Variants in PDE10A observed in about 807,000 individuals in gnomAD.
PDE10A encodes the protein cAMP and cAMP-inhibited cGMP 3',5'-cyclic phosphodiesterase 10A.
A neutral mutation model predicts 97.7 loss-of-function variants in PDE10A; 39 were observed. That is an observed-to-expected ratio of 0.40 (90% CI 0.31 to 0.52). The LOEUF (loss-of-function observed/expected upper bound fraction) is 0.52. Ranked by LOEUF, PDE10A falls within the 20% of genes least tolerant of loss-of-function variation. PDE10A has a pLI of 0.56. For missense variants in PDE10A, 731 were observed against 1,047.8 expected (o/e 0.70, Z 4.17); for synonymous variants, 371 against 376.8 (o/e 0.98, Z 0.18).
intron 1 of PDE10A, among the ~76,000 whole-genome samples, chr6:165,770,288 G>T (rs897440141): frequency 6.6e-6 from 1 of 151,380 alleles, no homozygotes; most frequent in African/African-American, 2.4e-5. Context: ...CTGCAACTTA[G>T]GAATTGTAGA....
chr6:165,806,673 AC>A (rs1289763162), intron 1 of PDE10A, among the ~76,000 whole-genome samples: 1 of 148,688 alleles, frequency 6.7e-6, no homozygotes, highest in African/African-American at 2.4e-5. Flanking sequence ...TCTTCTTTAG[AC>A]TTTGATGAGG....
chr6:165,537,691 C>T (rs975185410), intron 2 of PDE10A, among the ~76,000 whole-genome samples: 1 of 151,898 alleles, frequency 6.6e-6, no homozygotes, highest in African/African-American at 2.4e-5. Flanking sequence ...ACTTTATCTC[C>T]TTTCTAGTCA....
At chr6:165,366,870 A>G (rs1783805231) in intron 18 of PDE10A, among the ~76,000 whole-genome samples, 1 of 152,242 alleles carries the variant, frequency 6.6e-6, no homozygotes, top group Admixed American at 6.5e-5. Flanking sequence ...ACTGGCCACT[A>G]GGATAAAAGT....
At chr6:165,421,347 G>A (rs1355584867) in intron 10 of PDE10A, among the ~76,000 whole-genome samples, 1 of 152,156 alleles carries the variant, frequency 6.6e-6, no homozygotes, top group Non-Finnish European at 1.5e-5. Context: ...GGAGGCTGAG[G>A]TGGGAGGATT....
At chr6:165,871,024 C>G (rs2500465) in intron 1 of PDE10A, among the ~76,000 whole-genome samples, 120,467 of 152,242 alleles carry the variant, frequency 0.79, 48,135 homozygotes, top group East Asian at 0.96. Context: ...AAGAATTCTA[C>G]TGTTCGATGG....
intron 1 of PDE10A, among the ~76,000 whole-genome samples, chr6:165,824,148 T>C (rs956592657): frequency 2.6e-5 from 4 of 152,064 alleles, no homozygotes; most frequent in Admixed American, 6.5e-5. Context: ...TCATGAGACA[T>C]CATGCGGAGA....
intron 1 of PDE10A, among the ~76,000 whole-genome samples, chr6:165,700,526 A>T (rs1379849704): frequency 2.0e-5 from 3 of 152,242 alleles, no homozygotes; most frequent in Non-Finnish European, 4.4e-5. Context: ...GAGGCTTCTG[A>T]CAGTAGCACC....
chr6:165,756,547 A>G (rs1425123771), intron 1 of PDE10A, among the ~76,000 whole-genome samples: 1 of 152,086 alleles, frequency 6.6e-6, no homozygotes, highest in Admixed American at 6.5e-5. Context: ...TTAATATTGT[A>G]TCTTTGAGAT....
chr6:165,372,029 C>A (rs568574457), intron 18 of PDE10A, among the ~76,000 whole-genome samples: 3 of 150,152 alleles, frequency 2.0e-5, no homozygotes, highest in South Asian at 4.2e-4. Flanking sequence ...ATTCAACAAC[C>A]CTTCATGCTA....
chr6:165,911,208 C>T (rs1369752667), intron 1 of PDE10A, among the ~76,000 whole-genome samples: 1 of 152,142 alleles, frequency 6.6e-6, no homozygotes, highest in Non-Finnish European at 1.5e-5. Context: ...CCCAAAACAT[C>T]AACATGAGTA....
chr6:165,935,099 C>T (rs1241537396), intron 1 of PDE10A, among the ~76,000 whole-genome samples: 1 of 152,084 alleles, frequency 6.6e-6, no homozygotes, highest in Non-Finnish European at 1.5e-5. Flanking sequence ...GATTTGTAAA[C>T]CAGCAAGTGT....
chr6:165,490,424 C>T (rs1780162231), intron 2 of PDE10A, among the ~76,000 whole-genome samples: 2 of 152,180 alleles, frequency 1.3e-5, no homozygotes, highest in Non-Finnish European at 2.9e-5. Context: ...CAAGCCAGCA[C>T]TATGAGAACT....
intron 1 of PDE10A, among the ~76,000 whole-genome samples, chr6:165,796,086 C>CCTTTTTTTTTTT (rs1778819834): frequency 8.3e-6 from 1 of 120,480 alleles, no homozygotes; most frequent in African/African-American, 3.3e-5. Flanking sequence ...TCTTTTTTTT[C>CCTTTTTTTTTTT]TTTTCTTTTT....
chr6:165,398,219 G>A (rs1786329412), intron 13 of PDE10A, among the ~76,000 whole-genome samples: 1 of 152,102 alleles, frequency 6.6e-6, no homozygotes, highest in South Asian at 2.1e-4. Flanking sequence ...AATAAAGTTT[G>A]TATTGGCTGT....
At chr6:165,540,730 C>T (rs748196220) in intron 2 of PDE10A, among the ~76,000 whole-genome samples, 9 of 152,120 alleles carry the variant, frequency 5.9e-5, no homozygotes, top group Admixed American at 3.9e-4. Flanking sequence ...CCCAGGTTCA[C>T]GCGATTATTG....
chr6:165,587,954 G>A (rs746863846), intron 1 of PDE10A, among the ~76,000 whole-genome samples: 79 of 152,204 alleles, frequency 5.2e-4, no homozygotes, highest in Non-Finnish European at 9.1e-4. Context: ...GATTCATTAC[G>A]ATGTTTGCTT....
At chr6:165,951,946 T>C in intron 1 of PDE10A, among the ~76,000 whole-genome samples, 1 of 152,230 alleles carries the variant, frequency 6.6e-6, no homozygotes, top group East Asian at 1.9e-4. Flanking sequence ...CTCTAGTTAT[T>C]TATAATAAAT....
intron 1 of PDE10A, among the ~76,000 whole-genome samples, chr6:165,903,668 T>C (rs969336467): frequency 6.6e-6 from 1 of 152,110 alleles, no homozygotes; most frequent in Non-Finnish European, 1.5e-5. Context: ...AGGTAACATT[T>C]TGGGAATTAT....
At chr6:165,587,761 A>C (rs905982972) in intron 1 of PDE10A, among the ~76,000 whole-genome samples, 1 of 152,210 alleles carries the variant, frequency 6.6e-6, no homozygotes, top group Non-Finnish European at 1.5e-5. Context: ...CATAATTTTC[A>C]TATGTCTTCC....
Sources: allele counts gnomAD v4.1 joint callset (sites outside exome capture counted in the v4.1 genomes callset), GRCh38; gene constraint gnomAD v4.1.1; transcripts MANE v1.5; gene names NCBI Gene and HGNC (gene_info 2026-07-23, HGNC 2026-07-21).